The following GMPR2 variants were observed in gnomAD, a reference collection of about 807,000 sequenced individuals.
GMPR2 encodes the protein guanosine monophosphate reductase 2, also known as GMP reductase 2.
In GMPR2, 32 loss-of-function variants were observed where a neutral mutation model predicts 38.5. The observed-to-expected ratio is 0.83, with a 90% CI of 0.63 to 1.12. The LOEUF (loss-of-function observed/expected upper bound fraction) is 1.12. GMPR2 is among the 50% of genes most tolerant of loss of function. The probability of loss-of-function intolerance (pLI) is 0.00; values close to 1 mark genes in which losing one functional copy is unlikely to be tolerated. For missense variants in GMPR2, 396 were observed against 432.1 expected, an observed-to-expected ratio of 0.92 and a Z score of 0.74; for synonymous variants, 154 against 151.0, an observed-to-expected ratio of 1.02 and a Z score of -0.15.
chr14:24,238,778 G>C lies in GMPR2; in HGVS notation c.1047G>C (p.Ter349TyrextTer2), dbSNP rs758431311. The C allele has an allele frequency of 1.2e-6, 2 of 1,611,198 alleles. No homozygotes were observed. The highest frequency in any genetic ancestry group is 1.7e-6 in the Non-Finnish European group (2 of 1,179,416). Residue 349 changes from the stop codon to tyrosine (Y), a stop_lost, in exon 10 of 10, where the codon TAG becomes TAC. Coordinates refer to ENST00000399440, the MANE Select transcript of GMPR2 (RefSeq NM_001002002.3). The part of the protein sequence containing the change: ...QVNPIFSEAC[*>Y] The stretch of plus-strand genomic sequence containing the variant: ...ATCCAATCTTCAGTGAGGCGTGCTA[G>C]ACCTGAGCAGTTCTACCCTCCCAAG...
In GMPR2 at chr14:24,233,474, T is replaced by A. The variant is rs758667407; in HGVS notation, c.88-5T>A. The A allele has an allele frequency of 1.9e-6, 3 of 1,613,564 alleles. No individual in the cohort carries two copies. The highest frequency in any genetic ancestry group is 2.2e-5 in the South Asian group (2 of 91,048). On this transcript the variant is annotated splice_polypyrimidine_tract_variant and splice_region_variant and intron_variant, in intron 2 of 9. Transcript: ENST00000399440. ...AAATGGTCAATTTCCTGTTCATATCTGCAGGTGGATCTCACAAGATCCTTT... is the reference window on the plus strand; with the variant it reads ...AAATGGTCAATTTCCTGTTCATATCAGCAGGTGGATCTCACAAGATCCTTT...
rs1369000389 is a variant in GMPR2 at position 24,238,492 on chromosome 14, G to A, written c.857+87G>A. 28 of 1,613,932 alleles carry A rather than the reference G, an allele frequency of 1.7e-5. No individual in the cohort carries two copies. In the East Asian group the frequency reaches 6.0e-4, roughly 35 times the overall value. ...GGGGGATGGTACAGTTCTCAGAGAA[G>A]CATGGTGAACCGGGGCTCAATGCTA... On this transcript the variant is annotated intron_variant, in intron 9 of 9. Transcript: ENST00000399440.
chr14:24,233,184 G>A, intron 1 of GMPR2, 35 bp from the exon 2 acceptor site: 5 of 1,612,414 alleles, frequency 3.1e-6, no homozygotes, highest in Non-Finnish European at 4.2e-6. Context: ...TAAAGCCCAG[G>A]GGAAGATTGG....
Position 24,232,939 on chromosome 14 carries a change from A to C in GMPR2, c.-74A>C. 2.0e-6 allele frequency: 1 copy of C among 500,586 alleles called. No individual in the cohort carries two copies. The highest frequency in any genetic ancestry group is 3.4e-5 in the East Asian group (1 of 29,556). The allele number at this position is 500,586 out of a possible 1,614,324, so 31.0% of individuals were successfully genotyped here. On this transcript the variant is annotated 5_prime_UTR_variant, in exon 1 of 10. Coordinates refer to ENST00000399440, the MANE Select transcript of GMPR2 (RefSeq NM_001002002.3). ...TTCCCCTAAATCAGCCTCTTGCCCC[A>C]TTGCTCTTTGCAGGGGTAGAAGAAG...
intron 3 of GMPR2, 199 bp downstream of exon 3, chr14:24,233,797 G>T: frequency 1.5e-6 from 1 of 649,002 alleles, no homozygotes; most frequent in Non-Finnish European, 2.7e-6. Flanking sequence ...GAGATTCAAA[G>T]CTAAGTTCTG....
At chr14:24,235,635 C>A in intron 3 of GMPR2, 102 bp from the exon 4 acceptor site, 2 of 822,764 alleles carry the variant, frequency 2.4e-6, no homozygotes, top group Non-Finnish European at 4.2e-6. Context: ...GTTTCCTCCC[C>A]AACTTCAATC....
Position 24,236,899 on chromosome 14 carries a change from C to G in GMPR2, c.466-172C>G. On this transcript the variant is annotated intron_variant, in intron 5 of 9. Transcript: ENST00000399440. ...TGGTGTTGGGTGGATGGGTAGGGAG[C>G]AGGGTTCTCTAAAGTGGCTAGTGTA... 6.9e-6 allele frequency: 4 copies of G among 581,680 alleles called. No individual in the cohort carries two copies. In the South Asian group the frequency reaches 8.3e-5, roughly 12 times the overall value. The allele number at this position is 581,680 out of a possible 1,614,324, so 36.0% of individuals were successfully genotyped here. A position where few individuals can be genotyped will look rare whatever the true frequency, so the allele number is the denominator to read the frequency against.
At chr14:24,232,808 G>C (rs1477756972), upstream of GMPR2, 5 of 241,456 alleles carry the variant, frequency 2.1e-5, no homozygotes, top group South Asian at 2.3e-4. Context: ...TAAGCAAGGT[G>C]GTCTTTGGTC....
chr14:24,236,019 A>G lies in GMPR2; in HGVS notation c.344A>G (p.Gln115Arg). 1 of 1,614,038 alleles carries G rather than the reference A, an allele frequency of 6.2e-7. No individual in the cohort carries two copies. The highest frequency in any genetic ancestry group is 8.5e-7 in the Non-Finnish European group (1 of 1,179,854). ...TCTTCTGACTTTGAGCAGCTGGAAC[A>G]GATCCTGGAAGCTATTCCCCAGGTG... ...TGSSDFEQLE[Q>R]ILEAIPQVKY... The change falls in exon 5 of 10, where the codon CAG (glutamine) becomes CGG (arginine). Residue 115 changes from glutamine to arginine, a missense_variant. Transcript: ENST00000399440.
chr14:24,234,377 G>C (rs2040238259), intron 3 of GMPR2: 1 of 399,150 alleles, frequency 2.5e-6, no homozygotes, highest in Non-Finnish European at 4.3e-6. Context: ...ATTTTTGATT[G>C]CTGTGTCTTT....
At chr14:24,237,484 A>G in intron 7 of GMPR2, 36 bp from the exon 8 acceptor site, 1 of 1,609,636 alleles carries the variant, frequency 6.2e-7, no homozygotes, top group Non-Finnish European at 8.5e-7. Flanking sequence ...GGCTTGGGAA[A>G]TCCATGTTGT....
intron 5 of GMPR2, 133 bp from the exon 6 acceptor site, chr14:24,236,938 G>A: frequency 2.8e-6 from 2 of 701,804 alleles, no homozygotes; most frequent in Admixed American, 2.6e-5. Context: ...GCCCTCAGAG[G>A]GCCCAGTAGA....
chr14:24,238,955 A>G lies in GMPR2; in HGVS notation c.*177A>G. Reference sequence around the variant, plus strand: ...CTCTATCTGCACACACAAAATGCCCAAGGCACTCACTGGGGAGGAAGCAAG... The same window carrying G: ...CTCTATCTGCACACACAAAATGCCCGAGGCACTCACTGGGGAGGAAGCAAG... On this transcript the variant is annotated 3_prime_UTR_variant, in exon 10 of 10. Coordinates refer to ENST00000399440, the MANE Select transcript of GMPR2 (RefSeq NM_001002002.3). 1 of 689,674 alleles carries G rather than the reference A, an allele frequency of 1.4e-6. No homozygotes were observed. Among genetic ancestry groups the G allele is most frequent in the Non-Finnish European group, 2.6e-6 (1 of 379,020 alleles). 42.7% of individuals were successfully genotyped at this position (689,674 alleles called of 1,614,324 possible). A position where few individuals can be genotyped will look rare whatever the true frequency, so the allele number is the denominator to read the frequency against.
chr14:24,237,076 G>T lies in GMPR2; in HGVS notation c.471G>T (p.Gly157=). 6.2e-7 allele frequency: 1 copy of T among 1,611,748 alleles called. No homozygotes were observed. ...TTTCAATTGCTCTGTCTCAGGCAGG[G>T]AATGTGGTAACAGGAGAGATGGTAG... is the stretch of plus-strand genomic sequence containing the variant. ...KRFPQHTIMA[G]NVVTGEMVEE... The change falls in exon 6 of 10, where the codon GGG becomes GGT. Residue 157 remains glycine, a synonymous_variant. Coordinates refer to ENST00000399440, the MANE Select transcript of GMPR2 (RefSeq NM_001002002.3).
At chr14:24,233,364 G>A (rs1295110255) in intron 2 of GMPR2, 24 bp downstream of exon 2, 6 of 1,612,756 alleles carry the variant, frequency 3.7e-6, no homozygotes, top group Admixed American at 3.3e-5. Context: ...TCTACTTGCT[G>A]TTTCTTGACC....
In GMPR2 at chr14:24,238,791, C is replaced by A; in HGVS notation, c.*13C>A. 1 of 1,608,020 alleles carries A rather than the reference C, an allele frequency of 6.2e-7. No homozygotes were observed. Among genetic ancestry groups the A allele is most frequent in the South Asian group, 1.1e-5 (1 of 90,862 alleles). On this transcript the variant is annotated 3_prime_UTR_variant, in exon 10 of 10. Coordinates refer to ENST00000399440, the MANE Select transcript of GMPR2 (RefSeq NM_001002002.3). ...TGAGGCGTGCTAGACCTGAGCAGTT[C>A]TACCCTCCCAAGGCACCAGTACTCT...
intron 3 of GMPR2, chr14:24,235,263 T>C (rs879002359): frequency 3.7e-5 from 6 of 161,372 alleles, no homozygotes; most frequent in Admixed American, 1.2e-4. Flanking sequence ...CTTAAGGCAT[T>C]ACCTTTGGTG....
At chr14:24,237,467 C>G (rs1179792924) in intron 7 of GMPR2, 53 bp from the exon 8 acceptor site, 11 of 1,588,500 alleles carry the variant, frequency 6.9e-6, no homozygotes, top group Non-Finnish European at 9.5e-6. Context: ...GTTGGGACAT[C>G]GCTGAGGGCT....
chr14:24,235,511 G>A (rs2040294786), intron 3 of GMPR2: 2 of 565,140 alleles, frequency 3.5e-6, no homozygotes, highest in South Asian at 2.2e-5. Flanking sequence ...AGATCACTCA[G>A]TACTTTGGTG....
Sources: allele counts gnomAD v4.1 joint callset, GRCh38; gene constraint gnomAD v4.1.1; transcripts MANE v1.5; gene names NCBI Gene and HGNC (gene_info 2026-07-23, HGNC 2026-07-21).